MYLK4: variants seen among roughly 807,000 people sequenced by gnomAD.
MYLK4 encodes the protein myosin light chain kinase family member 4, also known as caMLCK like.
In MYLK4, 46 loss-of-function variants were observed where a neutral mutation model predicts 48.1. The ratio of observed to expected loss-of-function variants is 0.96; its 90% CI spans 0.75 to 1.22. MYLK4 has a LOEUF of 1.22. MYLK4 is among the 50% of genes most tolerant of loss of function. The probability of loss-of-function intolerance (pLI) is 0.00; values close to 1 mark genes in which losing one functional copy is unlikely to be tolerated. For synonymous variants in MYLK4, 170 were observed against 180.8 expected (o/e 0.94, Z 0.48); for missense variants, 451 against 486.1 (o/e 0.93, Z 0.68).
the MYLK4 span, among the ~76,000 whole-genome samples, chr6:2,769,389 A>C: frequency 3.3e-5 from 5 of 152,198 alleles, no homozygotes; most frequent in African/African-American, 1.2e-4. Context: ...TATTTTTATA[A>C]ACAAAGCCAC....
the MYLK4 span, among the ~76,000 whole-genome samples, chr6:2,762,909 T>C: frequency 1.3e-5 from 2 of 152,124 alleles, no homozygotes; most frequent in Non-Finnish European, 2.9e-5. Flanking sequence ...GCTACAAGTC[T>C]CCACAGTGAG....
chr6:2,732,745 G>C (rs2113330942), intron 2 of MYLK4, among the ~76,000 whole-genome samples: 1 of 152,074 alleles, frequency 6.6e-6, no homozygotes, highest in South Asian at 2.1e-4. Context: ...CCTTAAAACT[G>C]AAAATCTAGA....
chr6:2,753,298 C>T (rs1379184692), upstream of MYLK4, among the ~76,000 whole-genome samples: 5 of 152,070 alleles, frequency 3.3e-5, no homozygotes, highest in South Asian at 4.1e-4. Flanking sequence ...CATTGAAACC[C>T]GGCTGGATTA....
the MYLK4 span, among the ~76,000 whole-genome samples, chr6:2,756,624 C>G: frequency 1.3e-5 from 2 of 152,156 alleles, no homozygotes; most frequent in Non-Finnish European, 2.9e-5. Flanking sequence ...TATTTCCAAA[C>G]CAACACCATA....
chr6:2,766,318 T>G, the MYLK4 span: 2 of 1,610,166 alleles, frequency 1.2e-6, no homozygotes, highest in African/African-American at 2.7e-5. Flanking sequence ...ACACGATGCG[T>G]CCTGACACGC....
At chr6:2,717,839 A>C (rs1363461705) in intron 2 of MYLK4, among the ~76,000 whole-genome samples, 1 of 152,216 alleles carries the variant, frequency 6.6e-6, no homozygotes, top group Admixed American at 6.5e-5. Flanking sequence ...TAAACTCAGC[A>C]TTCCAGGATG....
chr6:2,672,342 T>A lies in MYLK4; in HGVS notation c.1120-994A>T, dbSNP rs1760930347. Among the ~76,000 whole-genome samples, 1 of 152,094 alleles carries A rather than the reference T, an allele frequency of 6.6e-6. No individual in the cohort carries two copies. The highest frequency in any genetic ancestry group is 6.5e-5 in the Admixed American group (1 of 15,272). The stretch of plus-strand genomic sequence containing the variant: ...GGTTATACACAGAGGGTTGGGGACG[T>A]AAGAAAGGCTGCAAACCATCGCATG... On this transcript the variant is annotated intron_variant, in intron 11 of 12. Transcript: ENST00000274643. This position sits in a 1 kb window ranked among gnomAD's most constrained non-coding sequence, Gnocchi z 4.3.
At chr6:2,765,437 A>C in the MYLK4 span, 12 of 626,192 alleles carry the variant, frequency 1.9e-5, no homozygotes, top group African/African-American at 2.3e-4. Context: ...CGGCCGGCCG[A>C]GGGCGGGCGG....
At chr6:2,693,585 A>G (rs1761896802) in intron 2 of MYLK4, among the ~76,000 whole-genome samples, 1 of 152,180 alleles carries the variant, frequency 6.6e-6, no homozygotes, top group Admixed American at 6.5e-5. Context: ...ATCCACCCAA[A>G]TTATCACAAC....
chr6:2,753,830 T>C (rs371046611), upstream of MYLK4, among the ~76,000 whole-genome samples: 27 of 151,894 alleles, frequency 1.8e-4, 1 homozygote, highest in East Asian at 2.5e-3. Context: ...GAAACATCAT[T>C]TCACACCCAC....
chr6:2,722,285 T>A (rs894725821), intron 2 of MYLK4, among the ~76,000 whole-genome samples: 2 of 152,230 alleles, frequency 1.3e-5, no homozygotes, highest in African/African-American at 4.8e-5. Context: ...GAGTATGAGA[T>A]GCGTCTTTCA....
rs1761490972 is a variant in MYLK4 at position 2,685,351 on chromosome 6, T to C, written c.490A>G (p.Ile164Val). 1 of 1,613,552 alleles carries C rather than the reference T, an allele frequency of 6.2e-7. No individual in the cohort carries two copies. The highest frequency in any genetic ancestry group is 1.3e-5 in the African/African-American group (1 of 74,794). Residue 164 changes from isoleucine (I) to valine (V), a missense_variant, in exon 6 of 13, where the codon ATC becomes GTC. Transcript: ENST00000274643. The surrounding 1 kb of genome is among the most constrained non-coding windows in gnomAD (Gnocchi z 4.5). ...VMNQLDHANLIQLYDAFESKN... is the reference protein window; with the variant it reads ...VMNQLDHANLVQLYDAFESKN... ...GACTCGAAGGCATCGTACAGCTGGA[T>C]GAGGTTCGCGTGGTCCAGCTGGTTC...
intron 2 of MYLK4, among the ~76,000 whole-genome samples, chr6:2,735,309 T>C (rs866769623): frequency 6.6e-6 from 1 of 152,198 alleles, no homozygotes; most frequent in Non-Finnish European, 1.5e-5. Context: ...AGCCAGGGCA[T>C]GTCAGGCCAC....
the MYLK4 span, among the ~76,000 whole-genome samples, chr6:2,763,761 G>C: frequency 6.6e-6 from 1 of 152,344 alleles, no homozygotes; most frequent in Admixed American, 6.5e-5. Flanking sequence ...GGCCGGAGTG[G>C]ACGCCAAGGC....
chr6:2,671,949 C>T (rs951078756), intron 11 of MYLK4, among the ~76,000 whole-genome samples: 3 of 152,120 alleles, frequency 2.0e-5, no homozygotes, highest in African/African-American at 7.2e-5. Flanking sequence ...TGACTGCAAC[C>T]GGGTTGGGTC....
At chr6:2,752,850 G>T (rs1764330243), upstream of MYLK4, among the ~76,000 whole-genome samples, 1 of 152,148 alleles carries the variant, frequency 6.6e-6, no homozygotes, top group South Asian at 2.1e-4. Flanking sequence ...CATGCTAAAA[G>T]TGACTGATTG....
In MYLK4 at chr6:2,666,181, T is replaced by G. The variant is rs149621169; in HGVS notation, c.*1744A>C. On this transcript the variant is annotated 3_prime_UTR_variant, in exon 13 of 13. Transcript: ENST00000274643. ...TACCTTAAAGATGAGAATAAGGATG[T>G]TGCACACATTCACGGCATGCTGTAA... The G allele has an allele frequency of 1.1e-4, 17 of 152,316 alleles. No homozygotes were observed. The highest frequency in any genetic ancestry group is 4.1e-4 in the African/African-American group (17 of 41,556). 9.4% of individuals were successfully genotyped at this position (152,316 alleles called of 1,614,324 possible). A position where few individuals can be genotyped will look rare whatever the true frequency, so the allele number is the denominator to read the frequency against.
At chr6:2,706,364 A>AG (rs1429702633) in intron 2 of MYLK4, among the ~76,000 whole-genome samples, 2 of 151,482 alleles carry the variant, frequency 1.3e-5, no homozygotes, top group African/African-American at 4.8e-5. Context: ...TTTTTTTTCC[A>AG]GAAAAAAAAC....
rs537193417 is a variant in MYLK4 at position 2,710,419 on chromosome 6, A to G, written c.160-17560T>C. ...TCTTCTCTGAGTTCCTTTCTCAGGAAACCAACCATCAGGTCTCCCAGACAG... is the reference window on the plus strand; with the variant it reads ...TCTTCTCTGAGTTCCTTTCTCAGGAGACCAACCATCAGGTCTCCCAGACAG... On this transcript the variant is annotated intron_variant, in intron 2 of 12. Transcript: ENST00000274643. Among the ~76,000 whole-genome samples, 17 of 152,334 alleles carry G rather than the reference A, an allele frequency of 1.1e-4. No individual in the cohort carries two copies. The South Asian group carries it at 1.9e-3, about 17-fold the overall frequency.
Sources: allele counts gnomAD v4.1 joint callset (sites outside exome capture counted in the v4.1 genomes callset), GRCh38; gene constraint gnomAD v4.1.1; non-coding constraint Gnocchi (gnomAD v3.1); transcripts MANE v1.5; gene names NCBI Gene and HGNC (gene_info 2026-07-23, HGNC 2026-07-21).